The following ELAPOR2 variants were observed in gnomAD, a reference collection of about 807,000 sequenced individuals.
ELAPOR2 encodes the protein endosome/lysosome-associated apoptosis and autophagy regulator family member 2.
ELAPOR2 carries 89 observed loss-of-function variants against 120.7 expected under a neutral mutation model. The ratio of observed to expected loss-of-function variants is 0.74; its 90% CI spans 0.62 to 0.88. ELAPOR2 has a LOEUF of 0.88. Among genes scored for constraint, ELAPOR2 ranks in the 40% least tolerant of loss-of-function variants. The pLI is 0.00. For missense variants in ELAPOR2, 1,134 were observed against 1,251.6 expected (o/e 0.91, Z 1.42); for synonymous variants, 444 against 444.9 (o/e 1.00, Z 0.03).
At chr7:87,055,363 C>A (rs1365807577) in intron 1 of ELAPOR2, among the ~76,000 whole-genome samples, 4 of 152,226 alleles carry the variant, frequency 2.6e-5, no homozygotes, top group Non-Finnish European at 5.9e-5. Flanking sequence ...TGAAGTCCTA[C>A]TACTGCATCC....
At chr7:86,987,452 C>T (rs1792787693) in intron 1 of ELAPOR2, among the ~76,000 whole-genome samples, 1 of 152,096 alleles carries the variant, frequency 6.6e-6, no homozygotes, top group Admixed American at 6.5e-5. Flanking sequence ...ACCCATCTGA[C>T]AAAGGGCTAA....
chr7:86,918,482 T>C lies in ELAPOR2; in HGVS notation c.1553A>G (p.Glu518Gly). ...SELGRITFVF[E>G]TLCSADCVLY... ...AACACAGTCAGCTGAACAGAGGGTCTCAAAGACAAATGTTATTCTTCCTAG... is the reference window on the plus strand; with the variant it reads ...AACACAGTCAGCTGAACAGAGGGTCCCAAAGACAAATGTTATTCTTCCTAG... The change falls in exon 12 of 22, where the codon GAG (glutamate) becomes GGG (glycine). Residue 518 changes from glutamate to glycine, a missense_variant. By Grantham distance (98) the Glu-to-Gly change is moderately conservative. Around this residue, in one of 3 missense-constraint regions of ELAPOR2, gnomAD observed 831 missense variants for 867.6 expected, o/e 0.96. Transcript: ENST00000450689. 3 of 1,613,410 alleles carry C rather than the reference T, an allele frequency of 1.9e-6. No individual in the cohort carries two copies. Among genetic ancestry groups the C allele is most frequent in the Non-Finnish European group, 2.5e-6 (3 of 1,179,520 alleles).
At chr7:86,998,566 A>C (rs1401714239) in intron 1 of ELAPOR2, among the ~76,000 whole-genome samples, 1 of 152,122 alleles carries the variant, frequency 6.6e-6, no homozygotes, top group Admixed American at 6.6e-5. Flanking sequence ...TGCTCCATAC[A>C]TTGAGGATGT....
chr7:86,919,816 G>A (rs1205520119), intron 10 of ELAPOR2: 1 of 152,746 alleles, frequency 6.5e-6, no homozygotes, highest in Non-Finnish European at 1.5e-5. Context: ...CACTGGGATA[G>A]GAAGGTAAGA....
At chr7:86,895,104 A>C (rs1463328210) in intron 19 of ELAPOR2, among the ~76,000 whole-genome samples, 1 of 152,118 alleles carries the variant, frequency 6.6e-6, no homozygotes, top group Non-Finnish European at 1.5e-5. Context: ...ACTGAAACAC[A>C]ACGGGATGGT....
At chr7:86,992,108 C>T (rs1408303758) in intron 1 of ELAPOR2, among the ~76,000 whole-genome samples, 1 of 152,174 alleles carries the variant, frequency 6.6e-6, no homozygotes, top group Non-Finnish European at 1.5e-5. Context: ...AAGTAAACTG[C>T]TGCTACAACA....
At chr7:87,050,147 C>T (rs1170766416) in intron 1 of ELAPOR2, among the ~76,000 whole-genome samples, 1 of 152,092 alleles carries the variant, frequency 6.6e-6, no homozygotes, top group Non-Finnish European at 1.5e-5. Flanking sequence ...GTTATAGAAG[C>T]ACAAAATAAA....
At chr7:87,015,242 T>C (rs1309705857) in intron 1 of ELAPOR2, among the ~76,000 whole-genome samples, 1 of 152,206 alleles carries the variant, frequency 6.6e-6, no homozygotes, top group African/African-American at 2.4e-5. Context: ...CAATATTCTC[T>C]ATCAAAATAT....
In ELAPOR2 at chr7:87,030,336, G is replaced by A. The variant is rs113465054; in HGVS notation, c.189+28989C>T. Among the ~76,000 whole-genome samples, 356 of 151,748 alleles carry A rather than the reference G, an allele frequency of 2.3e-3. 4 individuals carry two copies. Among genetic ancestry groups the A allele is most frequent in the African/African-American group, 8.0e-3 (331 of 41,344 alleles). Reference sequence around the variant, plus strand: ...GGAACAATATAAGAAAAACATAAGCGTCCTCAAAACTTGCAAAAACACTAT... The same window carrying A: ...GGAACAATATAAGAAAAACATAAGCATCCTCAAAACTTGCAAAAACACTAT... On this transcript the variant is annotated intron_variant, in intron 1 of 21. Coordinates refer to ENST00000450689, the MANE Select transcript of ELAPOR2 (RefSeq NM_001142749.3).
intron 8 of ELAPOR2, 77 bp downstream of exon 8, chr7:86,938,049 G>A: frequency 1.6e-5 from 18 of 1,099,026 alleles, no homozygotes; most frequent in Middle Eastern, 2.0e-4. Context: ...TATCTCTCAC[G>A]AACAAATTAG....
At chr7:86,982,965 G>GA (rs1286133940) in intron 1 of ELAPOR2, among the ~76,000 whole-genome samples, 1 of 152,186 alleles carries the variant, frequency 6.6e-6, no homozygotes, top group East Asian at 1.9e-4. Context: ...TGGCGAACTA[G>GA]AAAAAACAGT....
At position 86,879,925 on chromosome 7, in the gene ELAPOR2, GAAAAA is replaced by G. The variant is rs1799320079; in HGVS notation, c.*541_*545del. ...TTAAATCAAGAGAAGATAACCTATG[GAAAAA>G]TGAAAAATTTATTGTCTTCATTGCT... On this transcript the variant is annotated 3_prime_UTR_variant, in exon 22 of 22. Transcript: ENST00000450689. The G allele has an allele frequency of 6.6e-6, 1 of 152,034 alleles. No individual in the cohort carries two copies. Among genetic ancestry groups the G allele is most frequent in the African/African-American group, 2.4e-5 (1 of 41,384 alleles). The allele number at this position is 152,034 out of a possible 1,614,324, so 9.4% of individuals were successfully genotyped here.
At chr7:86,931,538 T>G (rs1466561243) in intron 8 of ELAPOR2, among the ~76,000 whole-genome samples, 1 of 151,906 alleles carries the variant, frequency 6.6e-6, no homozygotes, top group Non-Finnish European at 1.5e-5. Context: ...TTTGTCAAAA[T>G]TTTCTCATAC....
At chr7:86,949,401 G>A (rs1021998880) in intron 2 of ELAPOR2, among the ~76,000 whole-genome samples, 11 of 152,324 alleles carry the variant, frequency 7.2e-5, no homozygotes, top group Non-Finnish European at 1.2e-4. Context: ...CCATGAAGCC[G>A]GCTACTGTGG....
intron 1 of ELAPOR2, among the ~76,000 whole-genome samples, chr7:87,057,150 A>G (rs1795288418): frequency 6.6e-6 from 1 of 152,230 alleles, no homozygotes; most frequent in African/African-American, 2.4e-5. Context: ...ACAGGCGTTT[A>G]GCCCACAATC....
At chr7:86,978,184 C>A (rs1339735114) in intron 1 of ELAPOR2, among the ~76,000 whole-genome samples, 1 of 152,150 alleles carries the variant, frequency 6.6e-6, no homozygotes, top group African/African-American at 2.4e-5. Flanking sequence ...TCTGGCGTTT[C>A]CACTGCTTGC....
intron 1 of ELAPOR2, among the ~76,000 whole-genome samples, chr7:87,006,637 T>C (rs1033503423): frequency 4.6e-5 from 7 of 152,140 alleles, no homozygotes; most frequent in Non-Finnish European, 1.0e-4. Context: ...GGAACAAGTG[T>C]TTGGTAGTTT....
chr7:86,984,408 TA>T lies in ELAPOR2; in HGVS notation c.190-19385del, dbSNP rs1242329008. 3.3e-5 allele frequency among the ~76,000 whole-genome samples: 5 copies of T among 152,334 alleles called. No individual in the cohort carries two copies. The East Asian group carries it at 9.6e-4, about 29-fold the overall frequency. On this transcript the variant is annotated intron_variant, in intron 1 of 21. Transcript: ENST00000450689. ...ATTATTCTCAGCACCACATTGCACT[TA>T]TTCCAAAATTGACACACAGTTGGAA...
chr7:86,903,087 A>G (rs187540345), intron 18 of ELAPOR2, among the ~76,000 whole-genome samples: 1 of 152,318 alleles, frequency 6.6e-6, no homozygotes, highest in Admixed American at 6.5e-5. Flanking sequence ...GAGACAAACT[A>G]AATTAACTGA....
Sources: gnomAD v4.1 joint callset for allele counts (sites outside exome capture counted in the v4.1 genomes callset) on GRCh38, gnomAD v4.1.1 for gene constraint, gnomAD v4.1.1 regional missense constraint, MANE v1.5 for transcripts, NCBI Gene and HGNC (gene_info 2026-07-23, HGNC 2026-07-21) for gene names.